KCNJ6: variants seen among roughly 807,000 people sequenced by gnomAD.
The protein encoded by KCNJ6 is potassium inwardly rectifying channel subfamily J member 6.
Under a neutral mutation model 34.2 loss-of-function variants are expected in KCNJ6, and 9 were observed. The ratio of observed to expected loss-of-function variants is 0.26; its 90% confidence interval spans 0.16 to 0.46. The LOEUF (loss-of-function observed/expected upper bound fraction) is 0.46, where lower values mean the gene tolerates loss of function less well. Among genes scored for constraint, KCNJ6 ranks in the 20% least tolerant of loss-of-function variants. The probability of loss-of-function intolerance (pLI) is 1.00; values close to 1 mark genes in which losing one functional copy is unlikely to be tolerated. For missense variants in KCNJ6, 236 were observed against 531.3 expected, an observed-to-expected ratio of 0.44 and a Z score of 5.46; for synonymous variants, 196 against 207.1, an observed-to-expected ratio of 0.95 and a Z score of 0.46.
At chr21:37,792,531 T>C (rs895131575) in intron 2 of KCNJ6, among the ~76,000 whole-genome samples, 1 of 152,078 alleles carries the variant, frequency 6.6e-6, no homozygotes, top group East Asian at 1.9e-4. Flanking sequence ...TAGAGTCCAG[T>C]AGGGTAGGAG....
At chr21:37,632,538 A>C (rs1394417714) in intron 3 of KCNJ6, among the ~76,000 whole-genome samples, 1 of 152,172 alleles carries the variant, frequency 6.6e-6, no homozygotes, top group Non-Finnish European at 1.5e-5. Flanking sequence ...AAAATATAAA[A>C]CAAGTCAACC....
In KCNJ6 at chr21:37,625,125, G is replaced by T. The variant is rs56345212; in HGVS notation, c.*34C>A. 22 of 1,398,006 alleles carry T rather than the reference G, an allele frequency of 1.6e-5. No homozygotes were observed. The highest frequency in any genetic ancestry group is 2.0e-5 in the Non-Finnish European group (20 of 992,386). The allele number at this position is 1,398,006 out of a possible 1,614,324, so 86.6% of individuals were successfully genotyped here. On this transcript the variant is annotated 3_prime_UTR_variant, in exon 4 of 4. Coordinates refer to ENST00000609713, the MANE Select transcript of KCNJ6 (RefSeq NM_002240.5). ...TGAGAGACAAGGAAAGATTGTGTTG[G>T]GGGGAGAAGAGAAGGGTTTGCCCAG...
At chr21:37,685,264 A>G (rs535924341) in intron 3 of KCNJ6, among the ~76,000 whole-genome samples, 1 of 152,208 alleles carries the variant, frequency 6.6e-6, no homozygotes, top group African/African-American at 2.4e-5. Flanking sequence ...ATAGGTAGAC[A>G]AAGGCGTGCC....
At chr21:37,895,644 C>T (rs956156584) in intron 1 of KCNJ6, among the ~76,000 whole-genome samples, 6 of 152,244 alleles carry the variant, frequency 3.9e-5, no homozygotes, top group East Asian at 1.9e-4. Flanking sequence ...ATTAACCTGC[C>T]CTCAGGGTGA....
chr21:37,735,901 G>C (rs933276659), intron 2 of KCNJ6, among the ~76,000 whole-genome samples: 11 of 152,206 alleles, frequency 7.2e-5, no homozygotes, highest in Admixed American at 2.0e-4. Flanking sequence ...TAAGGGAAGA[G>C]AGCCTGGGGT....
intron 2 of KCNJ6, among the ~76,000 whole-genome samples, chr21:37,715,357 C>T (rs551805975): frequency 2.4e-4 from 37 of 152,334 alleles, no homozygotes; most frequent in East Asian, 5.8e-4. Flanking sequence ...CCATCCTGCC[C>T]ACCAGGACGG....
intron 1 of KCNJ6, among the ~76,000 whole-genome samples, chr21:37,887,201 T>C (rs914892881): frequency 6.6e-6 from 1 of 152,156 alleles, no homozygotes; most frequent in Non-Finnish European, 1.5e-5. Flanking sequence ...AAATAACTCT[T>C]AGACCAACCT....
intron 2 of KCNJ6, among the ~76,000 whole-genome samples, chr21:37,829,922 C>T (rs940377027): frequency 6.6e-6 from 1 of 152,200 alleles, no homozygotes; most frequent in African/African-American, 2.4e-5. Flanking sequence ...AGGAAGTCAT[C>T]GGGCAGGCCC....
rs529017402 is a variant in KCNJ6, at chr21:37,665,075, CATG to C, written c.947-39594_947-39592del. 1.3e-3 allele frequency among the ~76,000 whole-genome samples: 195 copies of C among 152,212 alleles called. 1 individual carries two copies. Among genetic ancestry groups the C allele is most frequent in the Admixed American group, 0.012 (180 of 15,286 alleles). ...CCTCCCAAAGTGCTGGGATTACAGACATGAGCCACCACGCCTGGCAAGAATATT... is the reference window on the plus strand; with the variant it reads ...CCTCCCAAAGTGCTGGGATTACAGACAGCCACCACGCCTGGCAAGAATATT... On this transcript the variant is annotated intron_variant, in intron 3 of 3. Coordinates refer to ENST00000609713, the MANE Select transcript of KCNJ6 (RefSeq NM_002240.5).
chr21:37,629,506 A>G (rs1353568587), intron 3 of KCNJ6, among the ~76,000 whole-genome samples: 1 of 152,124 alleles, frequency 6.6e-6, no homozygotes, highest in African/African-American at 2.4e-5. Context: ...ATAAGGTCAT[A>G]CTGGTGGGCC....
chr21:37,668,588 T>A (rs140787093), intron 3 of KCNJ6, among the ~76,000 whole-genome samples: 3 of 152,124 alleles, frequency 2.0e-5, no homozygotes, highest in Non-Finnish European at 4.4e-5. Flanking sequence ...GACTTCAACA[T>A]AGGCAGATTG....
chr21:37,667,358 T>C (rs1377129883), intron 3 of KCNJ6, among the ~76,000 whole-genome samples: 2 of 151,956 alleles, frequency 1.3e-5, no homozygotes, highest in South Asian at 2.1e-4. Flanking sequence ...CCTCATCACA[T>C]AGGACCTCTT....
At chr21:37,819,584 A>G (rs896478352) in intron 2 of KCNJ6, among the ~76,000 whole-genome samples, 7 of 152,178 alleles carry the variant, frequency 4.6e-5, no homozygotes, top group African/African-American at 1.7e-4. Context: ...AGGTACAGCT[A>G]TAACCAGGCA....
intron 3 of KCNJ6, among the ~76,000 whole-genome samples, chr21:37,645,600 A>G (rs2054400591): frequency 1.3e-5 from 2 of 152,016 alleles, no homozygotes; most frequent in South Asian, 4.2e-4. Flanking sequence ...TCTTGGTGGC[A>G]GTGAAGTGTT....
intron 2 of KCNJ6, among the ~76,000 whole-genome samples, chr21:37,748,350 C>T (rs999693984): frequency 5.3e-5 from 8 of 152,154 alleles, no homozygotes; most frequent in African/African-American, 1.9e-4. Flanking sequence ...CTGCACTTGT[C>T]AGAGCAAGCT....
intron 3 of KCNJ6, among the ~76,000 whole-genome samples, chr21:37,705,275 A>T (rs1401736511): frequency 6.6e-6 from 1 of 152,220 alleles, no homozygotes; most frequent in East Asian, 1.9e-4. Context: ...GGGAAGGGGC[A>T]GCCCTGAGAC....
At chr21:37,738,590 T>C (rs2054924855) in intron 2 of KCNJ6, among the ~76,000 whole-genome samples, 1 of 152,248 alleles carries the variant, frequency 6.6e-6, no homozygotes, top group African/African-American at 2.4e-5. Context: ...TGAGAAGTCA[T>C]GTTTTACCCA....
intron 2 of KCNJ6, among the ~76,000 whole-genome samples, chr21:37,829,220 G>A (rs2055413527): frequency 1.3e-5 from 2 of 151,710 alleles, no homozygotes; most frequent in Non-Finnish European, 1.5e-5. Context: ...GTGGCAGATT[G>A]TGGGAGGAGG....
At chr21:37,821,024 T>C (rs1043192018) in intron 2 of KCNJ6, among the ~76,000 whole-genome samples, 5 of 152,242 alleles carry the variant, frequency 3.3e-5, no homozygotes, top group African/African-American at 1.2e-4. Context: ...ATGTTTCAGC[T>C]GGTTTTTCTA....
Sources: gnomAD v4.1 joint callset for allele counts (sites outside exome capture counted in the v4.1 genomes callset) on GRCh38, gnomAD v4.1.1 for gene constraint, MANE v1.5 for transcripts, NCBI Gene and HGNC (gene_info 2026-07-23, HGNC 2026-07-21) for gene names.